Variants in AURKA observed in about 807,000 individuals in gnomAD.
AURKA encodes the protein aurora 2.
A neutral mutation model predicts 40.9 loss-of-function variants in AURKA; 12 were observed. The observed-to-expected ratio is 0.29, with a 90% CI of 0.19 to 0.48. The LOEUF is 0.48. AURKA is among the 20% of genes least tolerant of loss of function. The pLI is 0.99. For missense variants in AURKA, 322 were observed against 462.1 expected (o/e 0.70, Z 2.78); for synonymous variants, 170 against 164.3 (o/e 1.03, Z -0.26).
intron 4 of AURKA, 98 bp from the exon 5 acceptor site, chr20:56,383,274 T>A: frequency 7.6e-7 from 1 of 1,322,206 alleles, no homozygotes; most frequent in East Asian, 2.4e-5. Flanking sequence ...AATTTCGTAT[T>A]CCAACTTCAC....
chr20:56,377,714 G>A (rs935654819), intron 6 of AURKA, among the ~76,000 whole-genome samples: 1 of 152,054 alleles, frequency 6.6e-6, no homozygotes, highest in African/African-American at 2.4e-5. Context: ...TTGAACCCAA[G>A]AGGCGGAGGT....
chr20:56,382,255 G>C (rs796407881), intron 5 of AURKA, among the ~76,000 whole-genome samples: 6 of 152,242 alleles, frequency 3.9e-5, no homozygotes, highest in African/African-American at 1.4e-4. Context: ...GATCAGTAAT[G>C]GCAGTAGATG....
rs116818656 is a variant in AURKA, at chr20:56,384,150, A to C, written c.374+120T>G. The C allele has an allele frequency of 1.2e-3, 840 of 711,850 alleles. 8 individuals are homozygous for C. In the African/African-American group the frequency reaches 0.014, roughly 12 times the overall value. 44.1% of individuals were successfully genotyped at this position (711,850 alleles called of 1,614,324 possible). A position where few individuals can be genotyped will look rare whatever the true frequency, so the allele number is the denominator to read the frequency against. ...TAAGATTGGAAATCTGGAAACATTT[A>C]TATCCTCTAAATGCAAATAAAGGCC... On this transcript the variant is annotated intron_variant, in intron 4 of 8. Transcript: ENST00000395915.
intron 3 of AURKA, among the ~76,000 whole-genome samples, chr20:56,385,704 A>T (rs1322990004): frequency 2.6e-5 from 4 of 151,808 alleles, no homozygotes. Flanking sequence ...CAGGTGATCC[A>T]CCTGCCTCGG....
chr20:56,371,147 C>A (rs914994089), intron 7 of AURKA, among the ~76,000 whole-genome samples: 1 of 152,032 alleles, frequency 6.6e-6, no homozygotes, highest in African/African-American at 2.4e-5. Context: ...TTGAGGGTGG[C>A]CTATGAAGTA....
rs1983904002 is a variant in AURKA, at chr20:56,370,076, A to G, written c.*82T>C. The G allele has an allele frequency of 1.3e-6, 2 of 1,530,078 alleles. No homozygotes were observed. Among genetic ancestry groups the G allele is most frequent in the South Asian group, 1.1e-5 (1 of 89,074 alleles). The allele number at this position is 1,530,078 out of a possible 1,614,324, so 94.8% of individuals were successfully genotyped here. ...CGTTCTAGATTGAGGGCAGCAGTCAATGGTAAAATAAACTTCAGTAGCATG... is the reference window on the plus strand; with the variant it reads ...CGTTCTAGATTGAGGGCAGCAGTCAGTGGTAAAATAAACTTCAGTAGCATG... On this transcript the variant is annotated 3_prime_UTR_variant, in exon 9 of 9. Coordinates refer to ENST00000395915, the MANE Select transcript of AURKA (RefSeq NM_198437.3).
At chr20:56,370,414 T>C (rs910757385) in intron 8 of AURKA, 71 bp downstream of exon 8, 12 of 1,613,666 alleles carry the variant, frequency 7.4e-6, no homozygotes, top group Non-Finnish European at 1.0e-5. Context: ...GTTCGGATCT[T>C]GGCCTGCAGT....
chr20:56,370,378 G>C (rs757008365), intron 8 of AURKA, 38 bp from the exon 9 acceptor site: 2 of 1,613,800 alleles, frequency 1.2e-6, no homozygotes, highest in Non-Finnish European at 1.7e-6. Context: ...ACAAAACACA[G>C]GTTAGAGAGA....
intron 8 of AURKA, 68 bp downstream of exon 8, chr20:56,370,417 C>T (rs942284869): frequency 6.2e-7 from 1 of 1,613,876 alleles, no homozygotes; most frequent in Non-Finnish European, 8.5e-7. Context: ...CGGATCTTGG[C>T]CTGCAGTTCA....
intron 7 of AURKA, among the ~76,000 whole-genome samples, chr20:56,371,234 A>G (rs1053268818): frequency 2.6e-5 from 4 of 152,104 alleles, no homozygotes; most frequent in Admixed American, 6.6e-5. Flanking sequence ...AGGCCGAGGG[A>G]GGCGGATCAC....
At chr20:56,376,187 C>T (rs189721349) in intron 6 of AURKA, among the ~76,000 whole-genome samples, 36 of 152,130 alleles carry the variant, frequency 2.4e-4, no homozygotes, top group African/African-American at 8.4e-4. Context: ...CAAACTACAA[C>T]CCACCATAAG....
At chr20:56,380,600 T>C (rs1985591941) in intron 6 of AURKA, among the ~76,000 whole-genome samples, 1 of 152,142 alleles carries the variant, frequency 6.6e-6, no homozygotes, top group Admixed American at 6.5e-5. Flanking sequence ...GGGCTATTCA[T>C]AGTAACTTCC....
chr20:56,382,246 A>G (rs1985811282), intron 5 of AURKA, among the ~76,000 whole-genome samples: 1 of 151,958 alleles, frequency 6.6e-6, no homozygotes, highest in South Asian at 2.1e-4. Flanking sequence ...AAAAGCAGTG[A>G]TCAGTAATGG....
At chr20:56,384,837 C>G (rs1986158637) in intron 3 of AURKA, among the ~76,000 whole-genome samples, 1 of 152,168 alleles carries the variant, frequency 6.6e-6, no homozygotes, top group Non-Finnish European at 1.5e-5. Context: ...GCAAAATGCA[C>G]AATGAACAGT....
intron 6 of AURKA, among the ~76,000 whole-genome samples, chr20:56,376,670 C>A (rs1168679110): frequency 6.6e-6 from 1 of 151,592 alleles, no homozygotes; most frequent in Non-Finnish European, 1.5e-5. Flanking sequence ...AAGAAACGGC[C>A]CAAACTAAGA....
chr20:56,377,802 G>T (rs1462359103), intron 6 of AURKA, among the ~76,000 whole-genome samples: 1 of 151,824 alleles, frequency 6.6e-6, no homozygotes. Flanking sequence ...AAAAAGAGAC[G>T]TTCAACATCA....
At position 56,381,517 on chromosome 20, in the gene AURKA, G is replaced by A. The variant is rs534866768; in HGVS notation, c.621C>T (p.Tyr207=). Residue 207 remains tyrosine, a synonymous_variant, in exon 6 of 9, where the codon TAC becomes TAT. Transcript: ENST00000395915. The stretch of plus-strand genomic sequence containing the variant: ...CAAGTGGTGCATATTCCAGAATTAG[G>A]TAGACTCTGGTAGCATCATGGAAAT... ...YGYFHDATRV[Y]LILEYAPLGT... 180 of 1,613,672 alleles carry A rather than the reference G, an allele frequency of 1.1e-4. 1 individual carries two copies. The South Asian group carries it at 1.9e-3, about 17-fold the overall frequency.
chr20:56,388,434 G>C, intron 1 of AURKA: 1 of 575,296 alleles, frequency 1.7e-6, no homozygotes, highest in Non-Finnish European at 3.1e-6. Context: ...CTTCACTCCT[G>C]ATGGTCTTGC....
At chr20:56,384,440 G>A in intron 3 of AURKA, 116 bp from the exon 4 acceptor site, 6 of 745,820 alleles carry the variant, frequency 8.0e-6, no homozygotes, top group South Asian at 3.3e-5. Context: ...TGTCAAGAAT[G>A]ATAAATCTGT....
Sources: allele counts gnomAD v4.1 joint callset (sites outside exome capture counted in the v4.1 genomes callset), GRCh38; gene constraint gnomAD v4.1.1; transcripts MANE v1.5; gene names NCBI Gene and HGNC (gene_info 2026-07-23, HGNC 2026-07-21).